BACE2: variants seen among roughly 807,000 people sequenced by gnomAD.
BACE2 encodes beta-secretase 2.
In BACE2, 17 loss-of-function variants were observed where a neutral mutation model predicts 46.2. The ratio of observed to expected loss-of-function variants is 0.37; its 90% CI spans 0.25 to 0.55. The LOEUF is 0.55. Among genes scored for constraint, BACE2 ranks in the 20% least tolerant of loss-of-function variants. The probability of loss-of-function intolerance (pLI) is 0.82; values close to 1 mark genes in which losing one functional copy is unlikely to be tolerated. For missense variants in BACE2, 595 were observed against 698.1 expected, an observed-to-expected ratio of 0.85 and a Z score of 1.66; for synonymous variants, 277 against 295.9, an observed-to-expected ratio of 0.94 and a Z score of 0.66.
chr21:41,246,975 G>A (rs1987488234), intron 6 of BACE2, among the ~76,000 whole-genome samples: 1 of 152,296 alleles, frequency 6.6e-6, no homozygotes, highest in African/African-American at 2.4e-5. Flanking sequence ...TCAGATGCGA[G>A]AGGAACATGA....
intron 2 of BACE2, 51 bp from the exon 3 acceptor site, chr21:41,237,462 A>C (rs748481608): frequency 1.5e-5 from 19 of 1,283,588 alleles, no homozygotes; most frequent in Non-Finnish European, 2.0e-5. Flanking sequence ...AAATAAATAA[A>C]AATAAAATAA....
intron 8 of BACE2, among the ~76,000 whole-genome samples, chr21:41,271,636 T>C (rs1254345971): frequency 1.3e-5 from 2 of 152,206 alleles, no homozygotes; most frequent in African/African-American, 4.8e-5. Flanking sequence ...GGCTAGTTTA[T>C]TAGCTATAAC....
intron 1 of BACE2, among the ~76,000 whole-genome samples, chr21:41,194,140 C>T (rs893421666): frequency 6.6e-6 from 1 of 152,076 alleles, no homozygotes; most frequent in African/African-American, 2.4e-5. Context: ...GGCCATTTGA[C>T]CTAGAAGTTT....
chr21:41,194,084 T>G (rs1007689921), intron 1 of BACE2, among the ~76,000 whole-genome samples: 4 of 152,224 alleles, frequency 2.6e-5, no homozygotes, highest in Non-Finnish European at 4.4e-5. Context: ...TGGAAATTGA[T>G]TGAAGAGCCA....
At position 41,237,739 on chromosome 21, in the gene BACE2, A is replaced by C. The variant is rs778186624; in HGVS notation, c.618+10A>C. On this transcript the variant is annotated intron_variant, in intron 3 of 8. Transcript: ENST00000330333. Reference sequence around the variant, plus strand: ...TGCCACACTTGCCAAGGTAAGGCTAATCCATGGATTTAAGGAAATCAAATA... The same window carrying C: ...TGCCACACTTGCCAAGGTAAGGCTACTCCATGGATTTAAGGAAATCAAATA... The C allele has an allele frequency of 4.4e-6, 7 of 1,604,552 alleles. No homozygotes were observed. The East Asian group carries it at 1.6e-4, about 36-fold the overall frequency.
intron 2 of BACE2, among the ~76,000 whole-genome samples, chr21:41,235,120 A>G (rs1192194430): frequency 6.6e-6 from 1 of 152,220 alleles, no homozygotes; most frequent in African/African-American, 2.4e-5. Flanking sequence ...GCATGCAAAC[A>G]TGGAGGGACC....
chr21:41,267,017 C>T (rs1172420358), intron 8 of BACE2, among the ~76,000 whole-genome samples: 2 of 151,528 alleles, frequency 1.3e-5, no homozygotes, highest in African/African-American at 4.9e-5. Flanking sequence ...GACACTTAGC[C>T]TAAGGGTTGG....
rs759853488 is a variant in BACE2, at chr21:41,275,534, G to A, written c.1467G>A (p.Leu489=). 2 of 1,613,630 alleles carry A rather than the reference G, an allele frequency of 1.2e-6. No individual in the cohort carries two copies. Among genetic ancestry groups the A allele is most frequent in the Non-Finnish European group, 1.7e-6 (2 of 1,179,868 alleles). The change falls in exon 9 of 9, where the codon CTG becomes CTA. Residue 489 remains leucine, a synonymous_variant. Transcript: ENST00000330333. ...CCATCCTCCTTGTCTTAATCGTCCT[G>A]CTGCTGCTGCCGTTCCGGTGTCAGC... ...CGAILLVLIV[L]LLLPFRCQRR...
In BACE2 at chr21:41,216,936, G is replaced by GT. The variant is rs1051907959; in HGVS notation, c.313-9321dup. Among the ~76,000 whole-genome samples, 107 of 151,142 alleles carry GT rather than the reference G, an allele frequency of 7.1e-4. 1 individual carries two copies. Among genetic ancestry groups the GT allele is most frequent in the Middle Eastern group, 6.8e-3 (2 of 292 alleles). ...AGAAATCTGTAGCTGTTCTTTTTTT[G>GT]TTTTTTTTTCTCTGAGATGGAGTCT... On this transcript the variant is annotated intron_variant, in intron 1 of 8. Coordinates refer to ENST00000330333, the MANE Select transcript of BACE2 (RefSeq NM_012105.5).
intron 1 of BACE2, among the ~76,000 whole-genome samples, chr21:41,199,036 G>A (rs939203171): frequency 1.3e-5 from 1 of 75,732 alleles, no homozygotes; most frequent in Non-Finnish European, 2.4e-5. Context: ...CCCACCCCAC[G>A]ACAGGCCCCC....
chr21:41,219,760 G>C (rs1021660827), intron 1 of BACE2, among the ~76,000 whole-genome samples: 8 of 152,200 alleles, frequency 5.3e-5, no homozygotes, highest in African/African-American at 1.9e-4. Flanking sequence ...TGTCCTCTAA[G>C]TGGAAAAACC....
At chr21:41,191,594 T>C (rs905159797) in intron 1 of BACE2, among the ~76,000 whole-genome samples, 1 of 152,210 alleles carries the variant, frequency 6.6e-6, no homozygotes, top group Non-Finnish European at 1.5e-5. Flanking sequence ...TGGTGCCATA[T>C]TGAGGACTCG....
rs1294508520 is a variant in BACE2 at position 41,278,107 on chromosome 21, G to C, written c.*2483G>C. ...AGGAAAGGAATTAACAACCCTTTGA[G>C]GGTGTCATTTTTACCTTGTAATACA... On this transcript the variant is annotated 3_prime_UTR_variant, in exon 9 of 9. Coordinates refer to ENST00000330333, the MANE Select transcript of BACE2 (RefSeq NM_012105.5). 1 of 152,182 alleles carries C rather than the reference G, an allele frequency of 6.6e-6. No homozygotes were observed. Among genetic ancestry groups the C allele is most frequent in the East Asian group, 1.9e-4 (1 of 5,196 alleles). The allele number at this position is 152,182 out of a possible 1,614,324, so 9.4% of individuals were successfully genotyped here.
chr21:41,204,248 C>G (rs1027954908), intron 1 of BACE2, among the ~76,000 whole-genome samples: 2 of 152,134 alleles, frequency 1.3e-5, no homozygotes, highest in Admixed American at 1.3e-4. Flanking sequence ...AACATGTTGG[C>G]CAGGCTAGCC....
intron 1 of BACE2, among the ~76,000 whole-genome samples, chr21:41,169,218 G>A (rs1175741691): frequency 1.3e-5 from 2 of 151,840 alleles, no homozygotes; most frequent in Non-Finnish European, 2.9e-5. Context: ...CTCATCCGGC[G>A]GCCCTGCCCC....
chr21:41,188,165 A>G (rs1307942555), intron 1 of BACE2, among the ~76,000 whole-genome samples: 1 of 152,160 alleles, frequency 6.6e-6, no homozygotes, highest in Non-Finnish European at 1.5e-5. Context: ...GTCGGGCTGC[A>G]GGCACCTGTG....
intron 1 of BACE2, chr21:41,184,033 C>T (rs1406023590): frequency 1.2e-5 from 2 of 166,978 alleles, no homozygotes; most frequent in African/African-American, 4.8e-5. Flanking sequence ...TTTTTACTCC[C>T]CTCTTTTGCC....
chr21:41,256,676 T>G (rs927733605), intron 7 of BACE2, among the ~76,000 whole-genome samples: 1 of 152,194 alleles, frequency 6.6e-6, no homozygotes, highest in Admixed American at 6.5e-5. Flanking sequence ...TGTCCTGCCT[T>G]TCTGAACCAA....
chr21:41,185,934 A>C (rs1469607177), intron 1 of BACE2, among the ~76,000 whole-genome samples: 1 of 152,206 alleles, frequency 6.6e-6, no homozygotes, highest in Non-Finnish European at 1.5e-5. Flanking sequence ...CAATTAACAG[A>C]AAGTCGAAAG....
Sources: allele counts gnomAD v4.1 joint callset (sites outside exome capture counted in the v4.1 genomes callset), GRCh38; gene constraint gnomAD v4.1.1; transcripts MANE v1.5; gene names NCBI Gene and HGNC (gene_info 2026-07-23, HGNC 2026-07-21).